The following DAB1 variants were observed in gnomAD, a reference collection of about 807,000 sequenced individuals.
DAB1 encodes DAB adaptor protein 1, also known as disabled homolog 1.
DAB1 carries 15 observed loss-of-function variants against 64.6 expected under a neutral mutation model. The observed-to-expected ratio is 0.23, with a 90% confidence interval of 0.16 to 0.36. The LOEUF (loss-of-function observed/expected upper bound fraction) is 0.36. DAB1 is among the 10% of genes least tolerant of loss of function. The pLI is 1.00. For synonymous variants in DAB1, 235 were observed against 251.9 expected, an observed-to-expected ratio of 0.93 and a Z score of 0.64; for missense variants, 596 against 706.7, an observed-to-expected ratio of 0.84 and a Z score of 1.78.
intron 6 of DAB1, among the ~76,000 whole-genome samples, chr1:57,726,418 T>C (rs1647211247): frequency 6.6e-6 from 1 of 152,168 alleles, no homozygotes. Flanking sequence ...CCAAGGGGCA[T>C]GGGATACAGC....
intron 2 of DAB1, among the ~76,000 whole-genome samples, chr1:58,512,600 C>T (rs537106746): frequency 5.3e-5 from 8 of 152,238 alleles, no homozygotes; most frequent in East Asian, 1.9e-4. Context: ...TGCAACAATA[C>T]GGATAAACCT....
intron 3 of DAB1, among the ~76,000 whole-genome samples, chr1:58,393,252 G>T (rs1055221408): frequency 2.0e-5 from 3 of 151,072 alleles, no homozygotes; most frequent in Admixed American, 6.6e-5. Flanking sequence ...GTCTAGACTG[G>T]TTTCCTGAGC....
chr1:57,822,699 T>C (rs1170285302), downstream of DAB1, among the ~76,000 whole-genome samples: 2 of 152,114 alleles, frequency 1.3e-5, no homozygotes, highest in Admixed American at 6.5e-5. Context: ...AATAGAAATA[T>C]AACGTCAGCC....
intron 1 of DAB1, among the ~76,000 whole-genome samples, chr1:57,392,517 T>G (rs1355635268): frequency 2.0e-5 from 3 of 152,208 alleles, no homozygotes; most frequent in Non-Finnish European, 4.4e-5. Flanking sequence ...CCTTGCCACC[T>G]AAGACCTCAG....
intron 6 of DAB1, among the ~76,000 whole-genome samples, chr1:57,652,540 C>A (rs897051911): frequency 6.6e-6 from 1 of 152,172 alleles, no homozygotes. Context: ...GGGCAGCATG[C>A]AAGAATGTAA....
chr1:57,953,372 C>G (rs1645318668), intron 5 of DAB1, among the ~76,000 whole-genome samples: 1 of 152,188 alleles, frequency 6.6e-6, no homozygotes, highest in Non-Finnish European at 1.5e-5. Flanking sequence ...TGTTTATTGC[C>G]TGCTAGTGTT....
At chr1:57,247,309 C>T (rs905059735) in intron 2 of DAB1, among the ~76,000 whole-genome samples, 7 of 152,104 alleles carry the variant, frequency 4.6e-5, no homozygotes, top group African/African-American at 1.7e-4. Flanking sequence ...CAAGATTTGA[C>T]CATTTGAAAG....
chr1:57,234,041 TA>T (rs1250391874), intron 2 of DAB1, among the ~76,000 whole-genome samples: 1 of 152,200 alleles, frequency 6.6e-6, no homozygotes, highest in Non-Finnish European at 1.5e-5. Flanking sequence ...ATATTATTTT[TA>T]AAAACTACAG....
intron 5 of DAB1, among the ~76,000 whole-genome samples, chr1:57,894,807 G>A (rs953695060): frequency 6.6e-6 from 1 of 152,160 alleles, no homozygotes; most frequent in Non-Finnish European, 1.5e-5. Flanking sequence ...CATGAAACAC[G>A]AAACACCCAA....
chr1:57,783,104 T>C (rs1650183046), intron 6 of DAB1, among the ~76,000 whole-genome samples: 1 of 80,934 alleles, frequency 1.2e-5, no homozygotes, highest in Non-Finnish European at 2.4e-5. Flanking sequence ...TCTCTCTCTT[T>C]TCTTTTTTTT....
intron 7 of DAB1, among the ~76,000 whole-genome samples, chr1:57,553,426 G>GAGAAAGAAAGAAAGAA (rs1644942376): frequency 2.2e-4 from 4 of 18,226 alleles, no homozygotes; most frequent in South Asian, 6.3e-3. Context: ...AAGAAAGAAA[G>GAGAAAGAAAGAAAGAA]AAAGAAAGAA....
intron 5 of DAB1, among the ~76,000 whole-genome samples, chr1:57,935,786 G>A (rs577148479): frequency 6.6e-6 from 1 of 152,164 alleles, no homozygotes; most frequent in South Asian, 2.1e-4. Flanking sequence ...AGATGCCCTA[G>A]ACAGATTCTT....
At chr1:58,380,334 G>A (rs956574801) in intron 3 of DAB1, among the ~76,000 whole-genome samples, 5 of 152,160 alleles carry the variant, frequency 3.3e-5, no homozygotes, top group Admixed American at 1.3e-4. Flanking sequence ...CTGCCTCCAC[G>A]TAAGACGTGC....
intron 2 of DAB1, among the ~76,000 whole-genome samples, chr1:57,185,065 C>G (rs1461235265): frequency 6.6e-6 from 1 of 152,094 alleles, no homozygotes; most frequent in Non-Finnish European, 1.5e-5. Flanking sequence ...CTTCTTGAGA[C>G]CACCAACCTC....
intron 2 of DAB1, among the ~76,000 whole-genome samples, chr1:57,186,602 C>T (rs1021521745): frequency 6.6e-6 from 1 of 152,180 alleles, no homozygotes; most frequent in Non-Finnish European, 1.5e-5. Flanking sequence ...ACATAATCCG[C>T]AAAGAGGGAC....
At chr1:57,792,276 C>T (rs1053028099) in intron 6 of DAB1, among the ~76,000 whole-genome samples, 3 of 152,168 alleles carry the variant, frequency 2.0e-5, no homozygotes, top group Non-Finnish European at 2.9e-5. Context: ...ATCTTCAATG[C>T]CTTTTCCTTT....
chr1:58,021,667 G>T (rs902495108), intron 5 of DAB1, among the ~76,000 whole-genome samples: 1 of 152,168 alleles, frequency 6.6e-6, no homozygotes, highest in Non-Finnish European at 1.5e-5. Context: ...AGCAGATGAT[G>T]GTGACAAGAG....
chr1:57,642,777 A>G, intron 7 of DAB1, among the ~76,000 whole-genome samples: 1 of 152,156 alleles, frequency 6.6e-6, no homozygotes, highest in East Asian at 1.9e-4. Flanking sequence ...AGCGTGTTAA[A>G]TCTTTAGCAG....
chr1:57,969,616 T>G (rs1645749774), intron 5 of DAB1, among the ~76,000 whole-genome samples: 1 of 152,186 alleles, frequency 6.6e-6, no homozygotes, highest in African/African-American at 2.4e-5. Context: ...ATCACAAAAC[T>G]TATTGATGTT....
Sources: allele counts gnomAD v4.1 joint callset (sites outside exome capture counted in the v4.1 genomes callset), GRCh38; gene constraint gnomAD v4.1.1; transcripts MANE v1.5; gene names NCBI Gene and HGNC (gene_info 2026-07-23, HGNC 2026-07-21).